MYOM3: variants seen among roughly 807,000 people sequenced by gnomAD.
The protein encoded by MYOM3 is myomesin 3.
In MYOM3, 155 loss-of-function variants were observed where a neutral mutation model predicts 191.7. The ratio of observed to expected loss-of-function variants is 0.81; its 90% CI spans 0.71 to 0.92. The LOEUF is 0.92. MYOM3 is among the 40% of genes least tolerant of loss of function. MYOM3 has a pLI of 0.00. For synonymous variants in MYOM3, 757 were observed against 762.9 expected (o/e 0.99, Z 0.13); for missense variants, 1,889 against 1,890.6 (o/e 1.00, Z 0.02).
chr1:24,093,557 G>A (rs960401509), intron 9 of MYOM3, among the ~76,000 whole-genome samples: 1 of 151,936 alleles, frequency 6.6e-6, no homozygotes, highest in Non-Finnish European at 1.5e-5. Context: ...GACGTGTCGT[G>A]GGGTCAGGGG....
At chr1:24,080,345 C>G in intron 19 of MYOM3, 151 bp from the exon 20 acceptor site, 1 of 621,812 alleles carries the variant, frequency 1.6e-6, no homozygotes. Context: ...GTCGCCAAGC[C>G]CGGGCCAACC....
At chr1:24,095,138 G>T in intron 8 of MYOM3, 148 bp from the exon 9 acceptor site, 1 of 859,728 alleles carries the variant, frequency 1.2e-6, no homozygotes. Context: ...GAGGGGAAGA[G>T]ACTTATCTAG....
In MYOM3 at chr1:24,074,144, G is replaced by T. The variant is rs769666879; in HGVS notation, c.2968+16C>A. 12 of 1,594,718 alleles carry T rather than the reference G, an allele frequency of 7.5e-6. No individual in the cohort carries two copies. The African/African-American group carries it at 1.1e-4, about 14-fold the overall frequency. ...TCTCTCTGGGGAGGTGGCAGGGAGC[G>T]GGGTAGGTGCATTACCTTCCTCGGT... On this transcript the variant is annotated intron_variant, in intron 23 of 36. Transcript: ENST00000374434.
In MYOM3 at chr1:24,084,641, T is replaced by TA. The variant is rs763925155; in HGVS notation, c.1799-3dup. The stretch of plus-strand genomic sequence containing the variant: ...CTTGAGCTGGAGGAGGGAGGGTAGC[T>TA]AAAAAATAGAAACATGGGCTGAATG... On this transcript the variant is annotated splice_polypyrimidine_tract_variant and splice_region_variant and intron_variant, in intron 15 of 36. Transcript: ENST00000374434. 2.4e-5 allele frequency: 39 copies of TA among 1,607,538 alleles called. No homozygotes were observed. Among genetic ancestry groups the TA allele is most frequent in the Admixed American group, 3.4e-5 (2 of 59,098 alleles).
chr1:24,097,119 C>A (rs4649184), intron 7 of MYOM3, among the ~76,000 whole-genome samples: 1 of 152,010 alleles, frequency 6.6e-6, no homozygotes, highest in Non-Finnish European at 1.5e-5. Flanking sequence ...CCAGGAGGGG[C>A]CCAAGCCCAG....
intron 36 of MYOM3, 128 bp from the exon 37 acceptor site, chr1:24,057,755 T>C: frequency 2.9e-6 from 2 of 689,826 alleles, no homozygotes; most frequent in South Asian, 1.9e-5. Context: ...TGTGTTTTAT[T>C]ATAATTTATA....
chr1:24,092,920 C>T, intron 10 of MYOM3, 27 bp downstream of exon 10: 2 of 1,487,264 alleles, frequency 1.3e-6, no homozygotes, highest in Non-Finnish European at 1.8e-6. Flanking sequence ...GCTCCTGCTG[C>T]TACCCTGCGC....
Position 24,063,985 on chromosome 1 carries a change from G to T in MYOM3, c.3622+87C>A. On this transcript the variant is annotated intron_variant, in intron 30 of 36. Coordinates refer to ENST00000374434, the MANE Select transcript of MYOM3 (RefSeq NM_152372.4). The surrounding 1 kb of genome is among the most constrained non-coding windows in gnomAD (Gnocchi z 4.5). ...CCTCAATTTCTCCAAGTGACATGGGGATCCCATAAATCTTACTGCACAGAT... is the reference window on the plus strand; with the variant it reads ...CCTCAATTTCTCCAAGTGACATGGGTATCCCATAAATCTTACTGCACAGAT... The T allele has an allele frequency of 1.4e-5, 14 of 975,812 alleles. No homozygotes were observed. The highest frequency in any genetic ancestry group is 1.6e-5 in the Non-Finnish European group (10 of 633,814). 60.4% of individuals were successfully genotyped at this position (975,812 alleles called of 1,614,324 possible).
chr1:24,060,178 G>A (rs1458798973), intron 35 of MYOM3, among the ~76,000 whole-genome samples: 2 of 152,158 alleles, frequency 1.3e-5, no homozygotes, highest in Non-Finnish European at 2.9e-5. Flanking sequence ...CATGGTACAA[G>A]AGCCTCCTCG....
In MYOM3 at chr1:24,067,046, T is replaced by C. The variant is rs372855664; in HGVS notation, c.3398A>G (p.Asp1133Gly). The C allele has an allele frequency of 2.4e-5, 38 of 1,577,598 alleles. No homozygotes were observed. The African/African-American group carries it at 4.3e-4, about 18-fold the overall frequency. ...CTTGCACGTCAGCTGCACTTGGCAG[T>C]CCTCCGTGACCTTCCACTGCAACGG... Reference protein sequence around the residue: ...ERPLQWKVTEDCQVQLTCKVT... With the variant: ...ERPLQWKVTEGCQVQLTCKVT... Residue 1133 changes from aspartate (D) to glycine (G), a missense_variant, in exon 28 of 37, where the codon GAC becomes GGC. Physicochemically the swap from Asp to Gly is moderately conservative, Grantham distance 94. Coordinates refer to ENST00000374434, the MANE Select transcript of MYOM3 (RefSeq NM_152372.4).
At position 24,072,376 on chromosome 1, in the gene MYOM3, G is replaced by T. The variant is rs575877242; in HGVS notation, c.2969-363C>A. Among the ~76,000 whole-genome samples the T allele has an allele frequency of 5.3e-5, 8 of 152,168 alleles. No individual in the cohort carries two copies. The South Asian group carries it at 1.7e-3, about 32-fold the overall frequency. On this transcript the variant is annotated intron_variant, in intron 23 of 36. Transcript: ENST00000374434. ...GGCTGAGCATTACTGTCTACCTCTG[G>T]TCACTCTAGGACCACTGGTGCCAGG...
At chr1:24,076,736 G>C in intron 20 of MYOM3, among the ~76,000 whole-genome samples, 1 of 77,882 alleles carries the variant, frequency 1.3e-5, no homozygotes, top group East Asian at 4.0e-4. Flanking sequence ...GGATGGTCTC[G>C]ATCTCCTGAC....
In MYOM3 at chr1:24,072,005, T is replaced by C; in HGVS notation, c.2977A>G (p.Lys993Glu). 6.2e-7 allele frequency: 1 copy of C among 1,613,936 alleles called. No individual in the cohort carries two copies. The highest frequency in any genetic ancestry group is 8.5e-7 in the Non-Finnish European group (1 of 1,179,984). ...SHTLTEEELE[K>E]LKKLSHEIRN... is the part of the protein sequence containing the mutation. ...ATCTCATGACTCAGCTTCTTCAGCT[T>C]CTCCAGCTCTGGGATAGGGGGAAGT... Residue 993 changes from lysine (K) to glutamate (E), a missense_variant, in exon 24 of 37, where the codon AAG (lysine) becomes GAG (glutamate). Coordinates refer to ENST00000374434, the MANE Select transcript of MYOM3 (RefSeq NM_152372.4).
intron 4 of MYOM3, among the ~76,000 whole-genome samples, chr1:24,106,455 C>T (rs1643984182): frequency 6.6e-6 from 1 of 152,186 alleles, no homozygotes; most frequent in African/African-American, 2.4e-5. Context: ...TGATACTCAT[C>T]AGGGCTAGCG....
intron 24 of MYOM3, among the ~76,000 whole-genome samples, chr1:24,071,495 G>A (rs1269776313): frequency 1.3e-5 from 2 of 152,260 alleles, no homozygotes; most frequent in East Asian, 3.9e-4. Context: ...AACCTGGCAG[G>A]GCATTGGATC....
At chr1:24,070,981 C>T in intron 25 of MYOM3, 136 bp downstream of exon 25, 4 of 1,138,566 alleles carry the variant, frequency 3.5e-6, no homozygotes, top group Non-Finnish European at 5.0e-6. Context: ...GTCCTCATCA[C>T]TGCAACAGCA....
chr1:24,073,401 C>T (rs1204931039), intron 23 of MYOM3, among the ~76,000 whole-genome samples: 1 of 152,138 alleles, frequency 6.6e-6, no homozygotes, highest in Admixed American at 6.5e-5. Flanking sequence ...ATGGATGGTC[C>T]TTTAGACGTG....
Position 24,074,384 on chromosome 1 carries a change from C to G in MYOM3, c.2859-115G>C, listed in dbSNP as rs561975141. ...TGGTGAGCCTGTACCCCAAGCAGAC[C>G]CTGGCCAAGTCAGGAAGCACAGGCA... On this transcript the variant is annotated intron_variant, in intron 22 of 36. Coordinates refer to ENST00000374434, the MANE Select transcript of MYOM3 (RefSeq NM_152372.4). 6 of 701,466 alleles carry G rather than the reference C, an allele frequency of 8.6e-6. 1 individual carries two copies. In the South Asian group the frequency reaches 1.1e-4, roughly 13 times the overall value. The allele number at this position is 701,466 out of a possible 1,614,324, so 43.5% of individuals were successfully genotyped here. A position where few individuals can be genotyped will look rare whatever the true frequency, so the allele number is the denominator to read the frequency against.
intron 27 of MYOM3, among the ~76,000 whole-genome samples, chr1:24,067,399 C>CTTT (rs767023329): frequency 5.8e-3 from 228 of 39,124 alleles, no homozygotes; most frequent in Non-Finnish European, 6.6e-3. Flanking sequence ...TCCTTCCTTC[C>CTTT]TTCCTTCCTT....
Sources: allele counts gnomAD v4.1 joint callset (sites outside exome capture counted in the v4.1 genomes callset), GRCh38; gene constraint gnomAD v4.1.1; non-coding constraint Gnocchi (gnomAD v3.1); transcripts MANE v1.5; gene names NCBI Gene and HGNC (gene_info 2026-07-23, HGNC 2026-07-21).